Variants in ROBO2 observed in about 807,000 individuals in gnomAD.
ROBO2 encodes the protein roundabout homolog 2.
In ROBO2, 53 loss-of-function variants were observed where a neutral mutation model predicts 160.8. The observed-to-expected ratio is 0.33, with a 90% CI of 0.26 to 0.41. ROBO2 has a LOEUF of 0.41. ROBO2 is among the 10% of genes least tolerant of loss of function. ROBO2 has a pLI of 1.00. For missense variants in ROBO2, 1,577 were observed against 1,722.4 expected, an observed-to-expected ratio of 0.92 and a Z score of 1.49; for synonymous variants, 664 against 611.7, an observed-to-expected ratio of 1.09 and a Z score of -1.26.
chr3:77,118,931 T>C (rs1210468159), intron 2 of ROBO2, among the ~76,000 whole-genome samples: 1 of 152,140 alleles, frequency 6.6e-6, no homozygotes, highest in Non-Finnish European at 1.5e-5. Flanking sequence ...TTTGATATGA[T>C]TTGGCTCTGT....
chr3:77,392,091 T>G (rs749366808), intron 2 of ROBO2, among the ~76,000 whole-genome samples: 2 of 152,200 alleles, frequency 1.3e-5, no homozygotes, highest in African/African-American at 4.8e-5. Flanking sequence ...GGCTGGCATT[T>G]TAGTTTGGAA....
chr3:76,095,997 A>T (rs2069435076), intron 2 of ROBO2, among the ~76,000 whole-genome samples: 1 of 152,336 alleles, frequency 6.6e-6, no homozygotes, highest in South Asian at 2.1e-4. Context: ...GTGAAATTTT[A>T]AAAGGTATTA....
At chr3:75,965,094 T>C (rs528838669) in intron 2 of ROBO2, 3 of 151,746 alleles carry the variant, frequency 2.0e-5, no homozygotes, top group Non-Finnish European at 2.9e-5. Context: ...TCATCTACAC[T>C]TACCTCATCA....
chr3:77,243,012 A>T (rs2089256683), intron 2 of ROBO2, among the ~76,000 whole-genome samples: 1 of 151,306 alleles, frequency 6.6e-6, no homozygotes, highest in Admixed American at 6.6e-5. Context: ...TCTATGAGAG[A>T]GAGAGAGAAA....
At chr3:76,022,415 AG>A (rs1234970835) in intron 2 of ROBO2, among the ~76,000 whole-genome samples, 1 of 151,838 alleles carries the variant, frequency 6.6e-6, no homozygotes, top group African/African-American at 2.4e-5. Flanking sequence ...GATTCATCAG[AG>A]GAGTCATTAT....
intron 2 of ROBO2, among the ~76,000 whole-genome samples, chr3:76,250,655 A>G (rs1442614555): frequency 1.3e-5 from 2 of 152,054 alleles, no homozygotes; most frequent in Non-Finnish European, 2.9e-5. Flanking sequence ...TGACGTAGGA[A>G]TGCTCTGAGA....
intron 2 of ROBO2, among the ~76,000 whole-genome samples, chr3:76,216,498 T>G (rs1432470090): frequency 4.6e-5 from 7 of 151,944 alleles, no homozygotes; most frequent in Non-Finnish European, 8.8e-5. Context: ...GAAAAAGACA[T>G]GGGTTGCAAT....
intron 2 of ROBO2, among the ~76,000 whole-genome samples, chr3:77,029,092 C>T (rs779429032): frequency 7.0e-4 from 107 of 152,050 alleles, no homozygotes; most frequent in Non-Finnish European, 1.3e-3. Flanking sequence ...TTGTTTTAGA[C>T]TGAAAGTAAC....
intron 2 of ROBO2, among the ~76,000 whole-genome samples, chr3:76,393,415 G>T (rs577326195): frequency 6.6e-6 from 1 of 152,110 alleles, no homozygotes; most frequent in African/African-American, 2.4e-5. Context: ...AAATTATGGA[G>T]CATATGATAC....
At chr3:76,657,317 C>A (rs1299934142) in intron 2 of ROBO2, among the ~76,000 whole-genome samples, 1 of 151,624 alleles carries the variant, frequency 6.6e-6, no homozygotes, top group African/African-American at 2.4e-5. Flanking sequence ...CCCAGCTACT[C>A]GGGAAGCTGA....
At chr3:77,484,837 T>C (rs964097753) in intron 4 of ROBO2, among the ~76,000 whole-genome samples, 2 of 152,108 alleles carry the variant, frequency 1.3e-5, no homozygotes, top group Non-Finnish European at 2.9e-5. Flanking sequence ...GTGAGTTGAA[T>C]GTTATAGTAT....
At chr3:77,197,088 A>G (rs1171224180) in intron 2 of ROBO2, among the ~76,000 whole-genome samples, 4 of 152,330 alleles carry the variant, frequency 2.6e-5, no homozygotes, top group Middle Eastern at 3.4e-3. Flanking sequence ...ACTATCTTCT[A>G]AAATATTTTA....
intron 2 of ROBO2, among the ~76,000 whole-genome samples, chr3:76,744,074 TAGGG>T (rs2093845540): frequency 6.6e-6 from 1 of 152,160 alleles, no homozygotes; most frequent in African/African-American, 2.4e-5. Flanking sequence ...ATCAGCAGAT[TAGGG>T]AGGAAGAGCT....
At chr3:77,493,263 G>C (rs773784429) in exon 5 of ROBO2, 5 of 1,613,598 alleles carry the variant, frequency 3.1e-6, no homozygotes, top group Admixed American at 1.7e-5. Context: ...CATTTCTCAG[G>C]AGGCCAATTA....
At chr3:76,694,931 C>T (rs1375424237) in intron 2 of ROBO2, among the ~76,000 whole-genome samples, 1 of 151,990 alleles carries the variant, frequency 6.6e-6, no homozygotes, top group Non-Finnish European at 1.5e-5. Context: ...TGGTGAAACC[C>T]CATTTCTACT....
At chr3:76,086,852 A>G (rs2108066016) in intron 2 of ROBO2, among the ~76,000 whole-genome samples, 1 of 152,294 alleles carries the variant, frequency 6.6e-6, no homozygotes, top group African/African-American at 2.4e-5. Context: ...ATTATAAAAA[A>G]GAATCAAAAA....
At chr3:76,788,644 G>C (rs2063151282) in intron 2 of ROBO2, among the ~76,000 whole-genome samples, 1 of 151,538 alleles carries the variant, frequency 6.6e-6, no homozygotes, top group South Asian at 2.1e-4. Flanking sequence ...ATCCATTTCA[G>C]GCATGGCTTT....
intron 2 of ROBO2, among the ~76,000 whole-genome samples, chr3:76,319,946 G>A (rs2072376251): frequency 6.6e-6 from 1 of 152,052 alleles, no homozygotes; most frequent in Non-Finnish European, 1.5e-5. Flanking sequence ...CCCAGGATTA[G>A]AGGGGGGAAG....
intron 2 of ROBO2, among the ~76,000 whole-genome samples, chr3:76,849,122 C>T (rs867901626): frequency 3.3e-5 from 5 of 152,118 alleles, no homozygotes; most frequent in Admixed American, 6.5e-5. Flanking sequence ...TGTTTTATTA[C>T]GTTCTGGTTA....
Sources: gnomAD v4.1 joint callset for allele counts (sites outside exome capture counted in the v4.1 genomes callset) on GRCh38, gnomAD v4.1.1 for gene constraint, MANE v1.5 for transcripts, NCBI Gene and HGNC (gene_info 2026-07-23, HGNC 2026-07-21) for gene names.